The following CERS6 variants were observed in gnomAD, a reference collection of about 807,000 sequenced individuals.
CERS6 encodes ceramide synthase 6.
Under a neutral mutation model 56.8 loss-of-function variants are expected in CERS6, and 26 were observed. The observed-to-expected ratio is 0.46, with a 90% CI of 0.34 to 0.63. CERS6 has a LOEUF of 0.63. CERS6 is among the 30% of genes least tolerant of loss of function. The probability of loss-of-function intolerance (pLI) is 0.01; values close to 1 mark genes in which losing one functional copy is unlikely to be tolerated. For synonymous variants in CERS6, 164 were observed against 173.3 expected (o/e 0.95, Z 0.42); for missense variants, 415 against 467.5 (o/e 0.89, Z 1.04).
rs1044653390 is a variant in CERS6, at chr2:168,507,044, G to A, written c.171-40552G>A. Among the ~76,000 whole-genome samples, 13 of 152,156 alleles carry A rather than the reference G, an allele frequency of 8.5e-5. 1 individual carries two copies. Among genetic ancestry groups the A allele is most frequent in the African/African-American group, 2.7e-4 (11 of 41,438 alleles). ...TTTGTCCCATGTGTGCACTGTGTGT[G>A]TGTGTGTATGCATGTGTGTGTGTGA... On this transcript the variant is annotated intron_variant, in intron 1 of 9. Transcript: ENST00000305747.
chr2:168,549,533 G>T (rs1695528004), intron 2 of CERS6, among the ~76,000 whole-genome samples: 1 of 152,182 alleles, frequency 6.6e-6, no homozygotes, highest in African/African-American at 2.4e-5. Context: ...TACTCGGGAG[G>T]CTGAGGCAGG....
chr2:168,774,809 A>G lies in CERS6; in HGVS notation c.*5147A>G, dbSNP rs952813893. The G allele has an allele frequency of 6.6e-6, 1 of 152,118 alleles. No homozygotes were observed. The highest frequency in any genetic ancestry group is 2.4e-5 in the African/African-American group (1 of 41,432). The allele number at this position is 152,118 out of a possible 1,614,324, so 9.4% of individuals were successfully genotyped here. The stretch of plus-strand genomic sequence containing the variant: ...TGATTTTCATCAACTCTTTGCCCAC[A>G]TAGTCATTTACCTCCACAGCCGTTT... On this transcript the variant is annotated 3_prime_UTR_variant, in exon 10 of 10. Transcript: ENST00000305747.
chr2:168,603,048 T>TTTCA (rs1232970175), intron 3 of CERS6, among the ~76,000 whole-genome samples: 1 of 152,246 alleles, frequency 6.6e-6, no homozygotes, highest in Non-Finnish European at 1.5e-5. Context: ...AACAATGATC[T>TTTCA]TTCATTCCAT....
chr2:168,657,719 G>A (rs1478718932), intron 4 of CERS6, among the ~76,000 whole-genome samples: 1 of 152,240 alleles, frequency 6.6e-6, no homozygotes, highest in African/African-American at 2.4e-5. Flanking sequence ...AGCAGGGCAG[G>A]CTGGCTGCTC....
chr2:168,456,546 C>T lies in CERS6; in HGVS notation c.98C>T (p.Pro33Leu). The T allele has an allele frequency of 6.2e-7, 1 of 1,614,052 alleles. No homozygotes were observed. Among genetic ancestry groups the T allele is most frequent in the South Asian group, 1.1e-5 (1 of 91,084 alleles). Residue 33 changes from proline (P) to leucine (L), a missense_variant, in exon 1 of 10, where the codon CCG becomes CTG. Physicochemically the swap from Pro to Leu is moderately conservative, Grantham distance 98. Transcript: ENST00000305747. The surrounding 1 kb of genome is among the most constrained non-coding windows in gnomAD (Gnocchi z 4.1). Reference sequence around the variant, plus strand: ...AAGAACACGGAGGAGGCCACCTTCCCGCAGGCTGAGGACCTCTATCTCGCT... The same window carrying T: ...AAGAACACGGAGGAGGCCACCTTCCTGCAGGCTGAGGACCTCTATCTCGCT... ...DLKNTEEATF[P>L]QAEDLYLAFP...
chr2:168,551,466 C>T (rs911268867), intron 2 of CERS6, among the ~76,000 whole-genome samples: 4 of 152,158 alleles, frequency 2.6e-5, no homozygotes, highest in African/African-American at 7.2e-5. Context: ...AGTTTCTTAA[C>T]GTCCCTAGGC....
intron 1 of CERS6, among the ~76,000 whole-genome samples, chr2:168,457,411 G>A (rs1275517226): frequency 6.6e-6 from 1 of 152,134 alleles, no homozygotes; most frequent in Admixed American, 6.5e-5. Flanking sequence ...CCTCGGTTTG[G>A]TTGGATATCT....
chr2:168,614,655 T>C lies in CERS6; in HGVS notation c.408-16330T>C, dbSNP rs1019598730. Among the ~76,000 whole-genome samples, 12 of 152,268 alleles carry C rather than the reference T, an allele frequency of 7.9e-5. 1 individual carries two copies. Among genetic ancestry groups the C allele is most frequent in the Non-Finnish European group, 1.6e-4 (11 of 68,010 alleles). ...ACAGCAGAGGCAGCCATAATCTTCCTGGGAACATAACTCCATTGGCCTGGG... is the reference window on the plus strand; with the variant it reads ...ACAGCAGAGGCAGCCATAATCTTCCCGGGAACATAACTCCATTGGCCTGGG... On this transcript the variant is annotated intron_variant, in intron 3 of 9. Coordinates refer to ENST00000305747, the MANE Select transcript of CERS6 (RefSeq NM_203463.3).
intron 4 of CERS6, among the ~76,000 whole-genome samples, chr2:168,675,140 A>AT (rs1686023789): frequency 2.0e-5 from 3 of 151,952 alleles, no homozygotes; most frequent in Admixed American, 1.3e-4. Flanking sequence ...CACCTAGCAG[A>AT]TTTTTTGTAT....
intron 1 of CERS6, among the ~76,000 whole-genome samples, chr2:168,521,477 G>T (rs1694982405): frequency 6.6e-6 from 1 of 152,120 alleles, no homozygotes; most frequent in African/African-American, 2.4e-5. Flanking sequence ...TGAAAAACTG[G>T]CCAAGTTCCA....
At chr2:168,539,734 C>G (rs1574052360) in intron 1 of CERS6, among the ~76,000 whole-genome samples, 1 of 152,180 alleles carries the variant, frequency 6.6e-6, no homozygotes, top group African/African-American at 2.4e-5. Flanking sequence ...CCATTCCTGA[C>G]GAATATTGGT....
At chr2:168,705,054 A>C (rs1686904384) in intron 6 of CERS6, among the ~76,000 whole-genome samples, 2 of 152,098 alleles carry the variant, frequency 1.3e-5, no homozygotes, top group South Asian at 4.1e-4. Flanking sequence ...CTGAGAAGCA[A>C]CCTGCTATGG....
intron 1 of CERS6, among the ~76,000 whole-genome samples, chr2:168,493,374 T>A (rs1694407930): frequency 6.7e-6 from 1 of 149,766 alleles, no homozygotes; most frequent in African/African-American, 2.6e-5. Flanking sequence ...CTACTCACTC[T>A]TTTAACTCCT....
chr2:168,743,158 A>ATG (rs1332321797), intron 8 of CERS6, among the ~76,000 whole-genome samples: 2 of 151,486 alleles, frequency 1.3e-5, no homozygotes, highest in African/African-American at 2.4e-5. Flanking sequence ...ATATATATAT[A>ATG]TATATGTATG....
chr2:168,636,182 A>G lies in CERS6; in HGVS notation c.465+5140A>G, dbSNP rs914707024. On this transcript the variant is annotated intron_variant, in intron 4 of 9. Transcript: ENST00000305747. ...TGGGAAGGGACCCTAAAGATCACCT[A>G]TCCCAAATTTCCCATTTCAGAAAAC... is the stretch of plus-strand genomic sequence containing the variant. Among the ~76,000 whole-genome samples the G allele has an allele frequency of 5.3e-5, 8 of 152,316 alleles. No homozygotes were observed. The East Asian group carries it at 1.5e-3, about 29-fold the overall frequency.
intron 3 of CERS6, among the ~76,000 whole-genome samples, chr2:168,598,366 C>T (rs544477003): frequency 1.4e-4 from 21 of 151,936 alleles, no homozygotes; most frequent in South Asian, 4.2e-4. Flanking sequence ...TCAGTTTATA[C>T]GTGGCATAGT....
intron 6 of CERS6, among the ~76,000 whole-genome samples, chr2:168,710,925 C>T (rs1359994771): frequency 6.6e-6 from 1 of 152,188 alleles, no homozygotes; most frequent in Non-Finnish European, 1.5e-5. Flanking sequence ...TCTCAATGCT[C>T]AGTTCTGCCA....
At chr2:168,677,191 C>T (rs1686086637) in intron 4 of CERS6, among the ~76,000 whole-genome samples, 1 of 151,826 alleles carries the variant, frequency 6.6e-6, no homozygotes, top group South Asian at 2.1e-4. Flanking sequence ...CCCAACAGGC[C>T]CTGGTGTGTG....
intron 8 of CERS6, among the ~76,000 whole-genome samples, chr2:168,729,915 C>T (rs1482640551): frequency 6.6e-6 from 1 of 152,162 alleles, no homozygotes; most frequent in Non-Finnish European, 1.5e-5. Flanking sequence ...GCATCAGGCA[C>T]AGTGTGGGTG....
Sources: allele counts gnomAD v4.1 joint callset (sites outside exome capture counted in the v4.1 genomes callset), GRCh38; gene constraint gnomAD v4.1.1; non-coding constraint Gnocchi (gnomAD v3.1); transcripts MANE v1.5; gene names NCBI Gene and HGNC (gene_info 2026-07-23, HGNC 2026-07-21).